CACNA2D3: variants seen among roughly 807,000 people sequenced by gnomAD.
CACNA2D3 encodes voltage-dependent calcium channel subunit alpha-2/delta-3.
Under a neutral mutation model 160.6 loss-of-function variants are expected in CACNA2D3, and 60 were observed. That is an observed-to-expected ratio of 0.37 (90% CI 0.30 to 0.46). The LOEUF is 0.46. Ranked by LOEUF, CACNA2D3 falls within the 20% of genes least tolerant of loss-of-function variation. CACNA2D3 has a pLI of 1.00. For missense variants in CACNA2D3, 1,205 were observed against 1,365.0 expected, an observed-to-expected ratio of 0.88 and a Z score of 1.85; for synonymous variants, 558 against 492.9, an observed-to-expected ratio of 1.13 and a Z score of -1.75.
At chr3:54,575,509 A>G (rs933258689) in intron 8 of CACNA2D3, among the ~76,000 whole-genome samples, 2 of 152,134 alleles carry the variant, frequency 1.3e-5, no homozygotes. Context: ...GATTCATTCA[A>G]CAAATAGTAC....
At chr3:54,307,370 A>C (rs1040593939) in intron 2 of CACNA2D3, among the ~76,000 whole-genome samples, 1 of 152,130 alleles carries the variant, frequency 6.6e-6, no homozygotes, top group African/African-American at 2.4e-5. Context: ...TTGGAAGGTC[A>C]CCTGCTGCAA....
chr3:54,310,727 A>C (rs182953827), intron 2 of CACNA2D3, among the ~76,000 whole-genome samples: 2 of 152,320 alleles, frequency 1.3e-5, no homozygotes, highest in Admixed American at 1.3e-4. Flanking sequence ...TTTTAGAAAT[A>C]CTGAGATTTA....
At chr3:54,969,754 C>G (rs912789221) in intron 28 of CACNA2D3, 46 bp from the exon 29 acceptor site, 16 of 1,585,186 alleles carry the variant, frequency 1.0e-5, no homozygotes, top group Non-Finnish European at 1.4e-5. Flanking sequence ...ACTGGGATGC[C>G]CAAGTAACAT....
At chr3:54,203,475 C>T (rs1701212842) in intron 2 of CACNA2D3, among the ~76,000 whole-genome samples, 1 of 152,226 alleles carries the variant, frequency 6.6e-6, no homozygotes, top group African/African-American at 2.4e-5. Flanking sequence ...AGACCCTCTA[C>T]CTTGTTGCAA....
intron 4 of CACNA2D3, among the ~76,000 whole-genome samples, chr3:54,465,619 G>C (rs1243097489): frequency 3.9e-5 from 6 of 152,136 alleles, no homozygotes; most frequent in African/African-American, 1.4e-4. Context: ...ACATCCAAGT[G>C]CATACACTCC....
At chr3:54,315,277 G>C (rs561646445) in intron 2 of CACNA2D3, among the ~76,000 whole-genome samples, 1 of 152,264 alleles carries the variant, frequency 6.6e-6, no homozygotes, top group South Asian at 2.1e-4. Flanking sequence ...TACTCCCTGG[G>C]GGAAGGCTCC....
At chr3:54,595,910 C>T (rs1702945121) in intron 9 of CACNA2D3, among the ~76,000 whole-genome samples, 1 of 152,098 alleles carries the variant, frequency 6.6e-6, no homozygotes, top group Non-Finnish European at 1.5e-5. Context: ...ACTTGGACTA[C>T]CACAGAGGAG....
chr3:54,425,675 C>G (rs959577601), intron 4 of CACNA2D3, among the ~76,000 whole-genome samples: 2 of 152,184 alleles, frequency 1.3e-5, no homozygotes, highest in Middle Eastern at 3.2e-3. Flanking sequence ...ACTCACCTCT[C>G]TCTCATGATC....
chr3:54,616,668 G>T lies in CACNA2D3; in HGVS notation c.964-11119G>T, dbSNP rs561776764. On this transcript the variant is annotated intron_variant, in intron 9 of 37. Transcript: ENST00000474759. ...GTCAGGATATTGATAAAACAAGATT[G>T]GCTGTGAGTTGATCATTAAAATTTT... is the stretch of plus-strand genomic sequence containing the variant. Among the ~76,000 whole-genome samples the T allele has an allele frequency of 5.9e-5, 9 of 152,280 alleles. No individual in the cohort carries two copies. The East Asian group carries it at 1.5e-3, about 26-fold the overall frequency.
At chr3:54,645,743 C>G (rs1699621343) in intron 11 of CACNA2D3, among the ~76,000 whole-genome samples, 1 of 152,186 alleles carries the variant, frequency 6.6e-6, no homozygotes, top group Non-Finnish European at 1.5e-5. Flanking sequence ...GCCCTAAACT[C>G]AAAACTCCCT....
intron 13 of CACNA2D3, among the ~76,000 whole-genome samples, chr3:54,780,428 T>C (rs1702510608): frequency 6.6e-6 from 1 of 152,246 alleles, no homozygotes; most frequent in Non-Finnish European, 1.5e-5. Context: ...TATACTGTAT[T>C]ACTTGGGTCT....
chr3:55,001,157 G>A (rs908103410), intron 31 of CACNA2D3, among the ~76,000 whole-genome samples: 2 of 152,180 alleles, frequency 1.3e-5, no homozygotes, highest in African/African-American at 4.8e-5. Flanking sequence ...CCGCTAAGAA[G>A]CCCATGGACA....
intron 5 of CACNA2D3, among the ~76,000 whole-genome samples, chr3:54,541,145 C>T (rs554324015): frequency 3.1e-4 from 47 of 151,578 alleles, no homozygotes; most frequent in Middle Eastern, 6.8e-3. Context: ...GGCGTGGTGG[C>T]GGGCGCCTGT....
At chr3:54,853,755 G>T (rs1405332) in intron 17 of CACNA2D3, among the ~76,000 whole-genome samples, 2 of 151,666 alleles carry the variant, frequency 1.3e-5, no homozygotes, top group South Asian at 2.1e-4. Flanking sequence ...CAGAGGAGGT[G>T]GGGGAGGACT....
intron 3 of CACNA2D3, among the ~76,000 whole-genome samples, chr3:54,348,804 C>T (rs762653105): frequency 2.0e-4 from 30 of 152,236 alleles, no homozygotes; most frequent in South Asian, 6.2e-4. Flanking sequence ...TCCCCACTCA[C>T]TGCAACCTCC....
At chr3:54,366,865 A>C (rs1010453021) in intron 3 of CACNA2D3, among the ~76,000 whole-genome samples, 2 of 152,244 alleles carry the variant, frequency 1.3e-5, no homozygotes, top group African/African-American at 4.8e-5. Flanking sequence ...ATGATTCTGC[A>C]ATAATGGTTA....
chr3:54,790,489 C>G (rs1198956902), intron 13 of CACNA2D3, among the ~76,000 whole-genome samples: 1 of 152,132 alleles, frequency 6.6e-6, no homozygotes, highest in Admixed American at 6.6e-5. Flanking sequence ...TATATGTGAC[C>G]TATATGTAGC....
intron 35 of CACNA2D3, among the ~76,000 whole-genome samples, chr3:55,067,323 A>C (rs1380238733): frequency 6.6e-6 from 1 of 152,206 alleles, no homozygotes; most frequent in Non-Finnish European, 1.5e-5. Flanking sequence ...TGCCTGTGGC[A>C]AAAGAACCAC....
intron 35 of CACNA2D3, among the ~76,000 whole-genome samples, chr3:55,023,952 C>A (rs1703511782): frequency 6.9e-6 from 1 of 144,400 alleles, no homozygotes; most frequent in Non-Finnish European, 1.5e-5. Context: ...CTTGTAAGAT[C>A]TTTTGTATTT....
Sources: allele counts gnomAD v4.1 joint callset (sites outside exome capture counted in the v4.1 genomes callset), GRCh38; gene constraint gnomAD v4.1.1; transcripts MANE v1.5; gene names NCBI Gene and HGNC (gene_info 2026-07-23, HGNC 2026-07-21).